The following LIMS1 variants were observed in gnomAD, a reference collection of about 807,000 sequenced individuals.
LIMS1 encodes LIM and senescent cell antigen-like-containing domain protein 1.
A neutral mutation model predicts 44.1 loss-of-function variants in LIMS1; 18 were observed. That is an observed-to-expected ratio of 0.41 (90% CI 0.28 to 0.61). The LOEUF (loss-of-function observed/expected upper bound fraction) is 0.61. LIMS1 is among the 20% of genes least tolerant of loss of function. LIMS1 has a pLI of 0.32. For missense variants in LIMS1, 201 were observed against 422.0 expected, an observed-to-expected ratio of 0.48 and a Z score of 4.59; for synonymous variants, 93 against 149.1, an observed-to-expected ratio of 0.62 and a Z score of 2.74.
In LIMS1 at chr2:108,667,551, A is replaced by ATATATATATAT. The variant is rs1553469851; in HGVS notation, c.193-3230_193-3229insTATATATATAT. 1.8e-3 allele frequency among the ~76,000 whole-genome samples: 236 copies of ATATATATATAT among 130,454 alleles called. 1 individual carries two copies. The highest frequency in any genetic ancestry group is 6.4e-3 in the African/African-American group (223 of 34,992). The allele number at this position is 130,454 out of a possible 152,430, so 85.6% of individuals were successfully genotyped here. A position where few individuals can be genotyped will look rare whatever the true frequency, so the allele number is the denominator to read the frequency against. ...TTCAACCTTTTTTAAAAAAAAAAAAAATATATATATATATATATACTGCTG... is the reference window on the plus strand; with the variant it reads ...TTCAACCTTTTTTAAAAAAAAAAAAATATATATATATATATATATATATATATATACTGCTG... On this transcript the variant is annotated intron_variant, in intron 2 of 9. Coordinates refer to ENST00000544547, the Ensembl canonical transcript of LIMS1.
chr2:108,552,321 A>G (rs896216037), intron 1 of LIMS1, among the ~76,000 whole-genome samples: 11 of 134,062 alleles, frequency 8.2e-5, no homozygotes, highest in South Asian at 2.8e-4. Context: ...ATATGAAACT[A>G]TATATATACT....
rs191554333 is a variant in LIMS1, at chr2:108,671,090, G to A, written c.259+243G>A. ...AGAGGCTGAGGCAGGAGAATCGCTC[G>A]AACCCAGGGGGCAGAGGTTGCAGTG... On this transcript the variant is annotated intron_variant, in intron 3 of 9. Coordinates refer to ENST00000544547, the Ensembl canonical transcript of LIMS1. 2.2e-3 allele frequency: 1,027 copies of A among 477,626 alleles called. 7 individuals are homozygous for A. Among genetic ancestry groups the A allele is most frequent in the African/African-American group, 0.018 (916 of 51,934 alleles). The allele number at this position is 477,626 out of a possible 1,614,324, so 29.6% of individuals were successfully genotyped here.
At chr2:108,587,393 C>G (rs1383510422) in intron 1 of LIMS1, among the ~76,000 whole-genome samples, 1 of 151,032 alleles carries the variant, frequency 6.6e-6, no homozygotes, top group Non-Finnish European at 1.5e-5. Flanking sequence ...GAGACATGGT[C>G]TCCCTATGTT....
intron 1 of LIMS1, among the ~76,000 whole-genome samples, chr2:108,589,236 A>G (rs1452426162): frequency 5.9e-5 from 9 of 151,996 alleles, no homozygotes; most frequent in Admixed American, 5.9e-4. Flanking sequence ...TGGCACATTT[A>G]TTTATGGAGT....
intron 1 of LIMS1, among the ~76,000 whole-genome samples, chr2:108,611,931 T>TACATATATTATATATAC (rs1023135820): frequency 2.4e-4 from 16 of 67,752 alleles, no homozygotes; most frequent in Admixed American, 5.9e-4. Flanking sequence ...AATATATATA[T>TACATATATTATATATAC]ACATATATAA....
chr2:108,678,021 G>A lies in LIMS1; in HGVS notation c.817G>A (p.Gly273Ser), dbSNP rs1692687959. The change falls in exon 8 of 10, where the codon GGT becomes AGT. Residue 273 changes from glycine (G) to serine (S), a missense_variant. Physicochemically the swap from Gly to Ser is moderately conservative, Grantham distance 56 (BLOSUM62 0). Coordinates refer to ENST00000544547, the Ensembl canonical transcript of LIMS1. Reference sequence around the variant, plus strand: ...CTTCCACTGCAATCGTGTTATAGAAGGTGATGGTAAGTATCTGTGTGAGTT... The same window carrying A: ...CTTCCACTGCAATCGTGTTATAGAAAGTGATGGTAAGTATCTGTGTGAGTT... 1.9e-6 allele frequency: 3 copies of A among 1,604,334 alleles called. No homozygotes were observed. The African/African-American group carries it at 4.0e-5, about 22-fold the overall frequency.
chr2:108,553,115 C>T (rs1314006218), intron 1 of LIMS1, among the ~76,000 whole-genome samples: 1 of 152,112 alleles, frequency 6.6e-6, no homozygotes, highest in Non-Finnish European at 1.5e-5. Context: ...TTCATGTGGG[C>T]CTCCTCCTTA....
At chr2:108,645,647 T>G (rs771729480) in intron 1 of LIMS1, among the ~76,000 whole-genome samples, 2 of 152,112 alleles carry the variant, frequency 1.3e-5, no homozygotes, top group Non-Finnish European at 2.9e-5. Context: ...ATAACAATAT[T>G]AACCTTAAAT....
At chr2:108,604,833 T>G (rs1415917068) in intron 1 of LIMS1, among the ~76,000 whole-genome samples, 1 of 152,218 alleles carries the variant, frequency 6.6e-6, no homozygotes, top group African/African-American at 2.4e-5. Flanking sequence ...CTTGGTAGTC[T>G]GAAATTTGAT....
At position 108,612,104 on chromosome 2, in the gene LIMS1, C is replaced by T. The variant is rs1369529287; in HGVS notation, c.33-47501C>T. On this transcript the variant is annotated intron_variant, in intron 1 of 9. Coordinates refer to ENST00000544547, the Ensembl canonical transcript of LIMS1. Reference sequence around the variant, plus strand: ...TATGCCCTAAGAGTGAGTTTTTTCTCTTGGCAGGGGTTCTTGAGATCAGGA... The same window carrying T: ...TATGCCCTAAGAGTGAGTTTTTTCTTTTGGCAGGGGTTCTTGAGATCAGGA... Among the ~76,000 whole-genome samples, 16 of 149,078 alleles carry T rather than the reference C, an allele frequency of 1.1e-4. No homozygotes were observed. In the Admixed American group the frequency reaches 1.1e-3, roughly 10 times the overall value.
At chr2:108,616,205 T>TC (rs1687923303) in intron 1 of LIMS1, among the ~76,000 whole-genome samples, 1 of 144,144 alleles carries the variant, frequency 6.9e-6, no homozygotes, top group South Asian at 2.3e-4. Flanking sequence ...GGCTTTTTTT[T>TC]TTTTTTTTTT....
intron 2 of LIMS1, among the ~76,000 whole-genome samples, chr2:108,669,380 A>G (rs1692007546): frequency 6.6e-6 from 1 of 151,994 alleles, no homozygotes; most frequent in African/African-American, 2.4e-5. Flanking sequence ...TGCACTCCAG[A>G]CTGGGCAACA....
At chr2:108,649,676 C>T (rs959175373) in intron 1 of LIMS1, among the ~76,000 whole-genome samples, 9 of 152,162 alleles carry the variant, frequency 5.9e-5, no homozygotes. Context: ...TTTGCAGGGA[C>T]ATGGATGATG....
chr2:108,566,602 A>T lies in LIMS1; in HGVS notation c.32+32008A>T, dbSNP rs77565532. 4.2e-4 allele frequency among the ~76,000 whole-genome samples: 61 copies of T among 146,680 alleles called. 1 individual carries two copies. The East Asian group carries it at 7.8e-3, about 19-fold the overall frequency. ...CAACATAAAATTTACCATCTTAAAC[A>T]TTTTTTTTTTTGAGATGGAGTTTCG... On this transcript the variant is annotated intron_variant, in intron 1 of 9. Coordinates refer to ENST00000544547, the Ensembl canonical transcript of LIMS1.
intron 1 of LIMS1, among the ~76,000 whole-genome samples, chr2:108,546,291 T>TTTTC (rs1420001157): frequency 1.1e-4 from 16 of 149,710 alleles, no homozygotes; most frequent in East Asian, 5.9e-4. Context: ...TTTTTTTTTT[T>TTTTC]TAGGAGACAG....
chr2:108,673,932 A>G (rs1387216704), intron 5 of LIMS1: 3 of 152,250 alleles, frequency 2.0e-5, no homozygotes, highest in Admixed American at 6.5e-5. Context: ...CTTGGTTTAT[A>G]TCTAAAAGAA....
At chr2:108,673,193 A>G in intron 5 of LIMS1, 164 bp downstream of exon 5, 2 of 1,100,256 alleles carry the variant, frequency 1.8e-6, no homozygotes, top group Non-Finnish European at 2.6e-6. Flanking sequence ...TGAAACCTGT[A>G]TACACTTAAT....
At chr2:108,623,771 A>G (rs188986608) in intron 1 of LIMS1, among the ~76,000 whole-genome samples, 1 of 152,330 alleles carries the variant, frequency 6.6e-6, no homozygotes, top group Admixed American at 6.5e-5. Flanking sequence ...TTCTTACTCA[A>G]GTGTTCATTT....
At chr2:108,611,274 G>T (rs1205414724) in intron 1 of LIMS1, among the ~76,000 whole-genome samples, 3 of 152,112 alleles carry the variant, frequency 2.0e-5, no homozygotes, top group Non-Finnish European at 2.9e-5. Flanking sequence ...ACTAAATTTG[G>T]TAAGTGTATG....
Sources: gnomAD v4.1 joint callset for allele counts (sites outside exome capture counted in the v4.1 genomes callset) on GRCh38, gnomAD v4.1.1 for gene constraint, MANE v1.5 for transcripts, NCBI Gene and HGNC (gene_info 2026-07-23, HGNC 2026-07-21) for gene names.